Variants in MARK4 observed in about 807,000 individuals in gnomAD.
The protein encoded by MARK4 is MAP/microtubule affinity-regulating kinase 4.
MARK4 carries 19 observed loss-of-function variants against 81.5 expected under a neutral mutation model. The observed-to-expected ratio is 0.23, with a 90% CI of 0.16 to 0.34. The LOEUF (loss-of-function observed/expected upper bound fraction) is 0.34, where lower values mean the gene tolerates loss of function less well. Ranked by LOEUF, MARK4 falls within the 10% of genes least tolerant of loss-of-function variation. MARK4 has a pLI of 1.00. For missense variants in MARK4, 772 were observed against 1,058.8 expected (o/e 0.73, Z 3.76); for synonymous variants, 436 against 439.0 (o/e 0.99, Z 0.08).
chr19:45,263,011 C>T (rs187818099), intron 2 of MARK4, 102 bp from the exon 3 acceptor site: 139 of 1,370,754 alleles, frequency 1.0e-4, no homozygotes, highest in Middle Eastern at 5.3e-4. Flanking sequence ...GTGATCCTCC[C>T]GCCTTGGTCT....
At chr19:45,293,538 TTGAATTCGTAAC>T (rs1166773569) in intron 13 of MARK4, among the ~76,000 whole-genome samples, 1 of 152,174 alleles carries the variant, frequency 6.6e-6, no homozygotes, top group Non-Finnish European at 1.5e-5. Flanking sequence ...GTTAAAGAAA[TTGAATTCGTAAC>T]TGAAAACCTT....
Position 45,259,501 on chromosome 19 carries a change from C to T in MARK4, c.252+312C>T, listed in dbSNP as rs140112687. 9.8e-3 allele frequency among the ~76,000 whole-genome samples: 1,494 copies of T among 152,292 alleles called. 27 individuals are homozygous for T. The highest frequency in any genetic ancestry group is 0.034 in the African/African-American group (1,411 of 41,560). ...CTGTGGCCGGATGCATTGGCTCACA[C>T]GTGTAATCCCAGCACTTTGAAAGGC... On this transcript the variant is annotated intron_variant, in intron 2 of 16. Coordinates refer to ENST00000262891, the MANE Select transcript of MARK4 (RefSeq NM_001199867.2).
intron 12 of MARK4, among the ~76,000 whole-genome samples, chr19:45,281,957 C>T (rs545811854): frequency 1.6e-4 from 24 of 152,184 alleles, no homozygotes; most frequent in Non-Finnish European, 3.1e-4. Context: ...GGGCCAGGCA[C>T]GGTGGCTCAT....
At chr19:45,260,257 G>A (rs1401900103) in intron 2 of MARK4, among the ~76,000 whole-genome samples, 1 of 151,096 alleles carries the variant, frequency 6.6e-6, no homozygotes. Flanking sequence ...TGGTGTGATA[G>A]CAGGCACCTG....
At chr19:45,260,772 T>G (rs1485146409) in intron 2 of MARK4, among the ~76,000 whole-genome samples, 1 of 152,120 alleles carries the variant, frequency 6.6e-6, no homozygotes, top group Non-Finnish European at 1.5e-5. Context: ...GCCTCTCTGT[T>G]TTAAGGGTGG....
intron 16 of MARK4, among the ~76,000 whole-genome samples, chr19:45,300,690 G>C (rs1033133746): frequency 6.6e-6 from 1 of 152,172 alleles, no homozygotes; most frequent in African/African-American, 2.4e-5. Flanking sequence ...TGAGTTCCCG[G>C]TTTAGAGACC....
chr19:45,295,346 G>A (rs906195840), intron 14 of MARK4, among the ~76,000 whole-genome samples: 6 of 151,356 alleles, frequency 4.0e-5, no homozygotes, highest in African/African-American at 1.2e-4. Flanking sequence ...GCAACAGAGC[G>A]AGACTCCATC....
At position 45,287,506 on chromosome 19, in the gene MARK4, G is replaced by A; in HGVS notation, c.1336G>A (p.Glu446Lys). ...CAGCCCGACGAGCACGGGGGAGGCGGAGCTGAAGGAGGAGCGGCTGCCAGG... is the reference window on the plus strand; with the variant it reads ...CAGCCCGACGAGCACGGGGGAGGCGAAGCTGAAGGAGGAGCGGCTGCCAGG... ...KRSPTSTGEA[E>K]LKEERLPGRK... is the part of the protein sequence containing the mutation. Residue 446 changes from glutamate (E) to lysine (K), a missense_variant, in exon 13 of 17, where the codon GAG becomes AAG. Coordinates refer to ENST00000262891, the MANE Select transcript of MARK4 (RefSeq NM_001199867.2). 1 of 1,542,116 alleles carries A rather than the reference G, an allele frequency of 6.5e-7. No individual in the cohort carries two copies. The highest frequency in any genetic ancestry group is 8.8e-7 in the Non-Finnish European group (1 of 1,141,042).
intron 2 of MARK4, among the ~76,000 whole-genome samples, chr19:45,261,904 G>A (rs1367042389): frequency 6.6e-6 from 1 of 151,412 alleles, no homozygotes; most frequent in Non-Finnish European, 1.5e-5. Context: ...TTGCACTCCA[G>A]CCTGAGCAAC....
chr19:45,286,546 C>CA (rs200845338), intron 12 of MARK4, among the ~76,000 whole-genome samples: 55 of 148,544 alleles, frequency 3.7e-4, no homozygotes, highest in African/African-American at 1.1e-3. Context: ...CCTGTCTCTA[C>CA]AAAAAAAAAT....
intron 15 of MARK4, 139 bp downstream of exon 15, chr19:45,298,093 CCT>C (rs1491401820): frequency 3.1e-6 from 5 of 1,590,848 alleles, no homozygotes; most frequent in Non-Finnish European, 4.3e-6. Context: ...TCCTCCTCCT[CCT>C]CCTTTCCTCC....
chr19:45,264,794 C>T (rs944914200), intron 5 of MARK4, 45 bp downstream of exon 5: 6 of 1,614,000 alleles, frequency 3.7e-6, no homozygotes, highest in Non-Finnish European at 5.1e-6. Flanking sequence ...CCACCTCCCC[C>T]TGCCGCTGCA....
rs149886355 is a variant in MARK4 at position 45,263,790 on chromosome 19, C to G, written c.355+423C>G. ...TTAGAGACCTGGTTTCTCATAGTTG[C>G]ATCACTGCTGTGTGACCTTGGGCAA... On this transcript the variant is annotated intron_variant, in intron 4 of 16. Coordinates refer to ENST00000262891, the MANE Select transcript of MARK4 (RefSeq NM_001199867.2). Among the ~76,000 whole-genome samples the G allele has an allele frequency of 4.5e-3, 676 of 151,572 alleles. 13 individuals carry two copies. Among genetic ancestry groups the G allele is most frequent in the Non-Finnish European group, 2.6e-3 (176 of 67,902 alleles).
intron 1 of MARK4, 32 bp downstream of exon 1, chr19:45,251,671 G>C: frequency 6.6e-7 from 1 of 1,508,240 alleles, no homozygotes; most frequent in Non-Finnish European, 8.9e-7. Context: ...GGGGAGCCCT[G>C]GCTGGGTCCA....
Position 45,303,893 on chromosome 19 carries a change from G to A in MARK4, c.*1183G>A, listed in dbSNP as rs1971014474. The A allele has an allele frequency of 6.6e-6, 1 of 152,246 alleles. No homozygotes were observed. Among genetic ancestry groups the A allele is most frequent in the South Asian group, 2.1e-4 (1 of 4,838 alleles). The allele number at this position is 152,246 out of a possible 1,614,324, so 9.4% of individuals were successfully genotyped here. On this transcript the variant is annotated 3_prime_UTR_variant, in exon 17 of 17. Coordinates refer to ENST00000262891, the MANE Select transcript of MARK4 (RefSeq NM_001199867.2). ...GATGAGTAGGAGTTAGTTAGGCATTGAGTTTGCCCTGGGCAAAAGCCCAGA... is the reference window on the plus strand; with the variant it reads ...GATGAGTAGGAGTTAGTTAGGCATTAAGTTTGCCCTGGGCAAAAGCCCAGA...
At chr19:45,278,291 T>C in intron 9 of MARK4, among the ~76,000 whole-genome samples, 1 of 151,886 alleles carries the variant, frequency 6.6e-6, no homozygotes, top group Non-Finnish European at 1.5e-5. Context: ...GCTCCTAGGA[T>C]GATTACAGGG....
At chr19:45,281,650 C>T (rs1430727834) in intron 12 of MARK4, among the ~76,000 whole-genome samples, 1 of 152,088 alleles carries the variant, frequency 6.6e-6, no homozygotes, top group African/African-American at 2.4e-5. Flanking sequence ...TGAGCCACTG[C>T]ACCCAGCCCC....
At chr19:45,294,786 C>T (rs1015852754) in intron 14 of MARK4, among the ~76,000 whole-genome samples, 7 of 152,136 alleles carry the variant, frequency 4.6e-5, no homozygotes, top group African/African-American at 9.7e-5. Flanking sequence ...GCTGGTTTTC[C>T]GGCTTGTTGG....
chr19:45,258,238 G>A (rs1475030708), intron 1 of MARK4, among the ~76,000 whole-genome samples: 1 of 152,048 alleles, frequency 6.6e-6, no homozygotes, highest in Non-Finnish European at 1.5e-5. Context: ...ACCCACCTCA[G>A]CCTCCCAAAG....
Sources: gnomAD v4.1 joint callset for allele counts (sites outside exome capture counted in the v4.1 genomes callset) on GRCh38, gnomAD v4.1.1 for gene constraint, MANE v1.5 for transcripts, NCBI Gene and HGNC (gene_info 2026-07-23, HGNC 2026-07-21) for gene names.